The following PACRG variants were observed in gnomAD, a reference collection of about 807,000 sequenced individuals.
PACRG encodes parkin coregulated.
A neutral mutation model predicts 29.7 loss-of-function variants in PACRG; 29 were observed. The observed-to-expected ratio is 0.98, with a 90% confidence interval of 0.73 to 1.33. The LOEUF is 1.33. Among genes scored for constraint, PACRG ranks in the 40% most tolerant of loss-of-function variants. The probability of loss-of-function intolerance (pLI) is 0.00; values close to 1 mark genes in which losing one functional copy is unlikely to be tolerated. For missense variants in PACRG, 279 were observed against 316.2 expected, an observed-to-expected ratio of 0.88 and a Z score of 0.89; for synonymous variants, 116 against 118.7, an observed-to-expected ratio of 0.98 and a Z score of 0.15.
chr6:162,994,821 G>T (rs1001906193), intron 2 of PACRG, among the ~76,000 whole-genome samples: 2 of 151,054 alleles, frequency 1.3e-5, no homozygotes, highest in African/African-American at 4.9e-5. Flanking sequence ...GGCGCTCTGC[G>T]TTTTAGAGTT....
At chr6:163,174,715 TTTC>T (rs1484703942) in intron 4 of PACRG, among the ~76,000 whole-genome samples, 1 of 152,178 alleles carries the variant, frequency 6.6e-6, no homozygotes, top group African/African-American at 2.4e-5. Flanking sequence ...AGTTTGTCAA[TTTC>T]TTCTTATTCA....
chr6:163,308,320 A>C (rs12214534), intron 4 of PACRG, among the ~76,000 whole-genome samples: 27,174 of 152,162 alleles, frequency 0.18, 3,050 homozygotes, highest in African/African-American at 0.32. Flanking sequence ...ACAAACAAGG[A>C]GTTTCTGTTT....
intron 2 of PACRG, among the ~76,000 whole-genome samples, chr6:162,984,858 G>GT (rs35361176): frequency 5.5e-4 from 81 of 146,788 alleles, no homozygotes; most frequent in Admixed American, 8.8e-4. Flanking sequence ...GATGCGATTG[G>GT]TTTTTTTTTT....
intron 4 of PACRG, among the ~76,000 whole-genome samples, chr6:163,180,449 A>G (rs1051287706): frequency 1.2e-4 from 18 of 152,178 alleles, no homozygotes; most frequent in African/African-American, 4.3e-4. Flanking sequence ...TAAATAGAGT[A>G]TGGAAAACAC....
At chr6:162,763,349 T>C (rs1036047041) in intron 1 of PACRG, among the ~76,000 whole-genome samples, 2 of 152,152 alleles carry the variant, frequency 1.3e-5, no homozygotes, top group African/African-American at 4.8e-5. Context: ...CGCTGTCAGG[T>C]CACCTGTCAC....
At chr6:162,790,165 G>GA (rs561376498) in intron 1 of PACRG, among the ~76,000 whole-genome samples, 44 of 152,198 alleles carry the variant, frequency 2.9e-4, no homozygotes, top group Non-Finnish European at 4.9e-4. Context: ...ACACTTATTG[G>GA]AAAAAAATCT....
At chr6:162,871,484 C>T (rs1415022050) in intron 2 of PACRG, among the ~76,000 whole-genome samples, 1 of 152,210 alleles carries the variant, frequency 6.6e-6, no homozygotes, top group Non-Finnish European at 1.5e-5. Flanking sequence ...TTCTTCTGTG[C>T]CTCAGAGAAC....
chr6:163,271,471 G>C (rs1486040182), intron 4 of PACRG, among the ~76,000 whole-genome samples: 2 of 152,082 alleles, frequency 1.3e-5, no homozygotes, highest in African/African-American at 2.4e-5. Flanking sequence ...CCCAATTCAT[G>C]TTTATAAAGG....
chr6:163,225,931 C>T (rs912055531), intron 4 of PACRG, among the ~76,000 whole-genome samples: 7 of 152,236 alleles, frequency 4.6e-5, no homozygotes, highest in Middle Eastern at 3.4e-3. Flanking sequence ...GTAATCCTAG[C>T]ACTTTGAGAG....
At chr6:163,138,860 T>C (rs922534057) in intron 4 of PACRG, among the ~76,000 whole-genome samples, 6 of 152,248 alleles carry the variant, frequency 3.9e-5, no homozygotes, top group Non-Finnish European at 5.9e-5. Flanking sequence ...CTTGGGTAAC[T>C]GTCAGAGTTT....
At chr6:162,758,342 G>T (rs1017392279) in intron 1 of PACRG, among the ~76,000 whole-genome samples, 1 of 151,972 alleles carries the variant, frequency 6.6e-6, no homozygotes, top group East Asian at 1.9e-4. Flanking sequence ...CCCTAAATAT[G>T]CATAAATTTA....
chr6:162,897,331 T>C (rs981741604), intron 2 of PACRG, among the ~76,000 whole-genome samples: 9 of 152,204 alleles, frequency 5.9e-5, no homozygotes, highest in African/African-American at 2.2e-4. Flanking sequence ...AAAATGATAG[T>C]CATAGTTTCG....
At chr6:162,792,244 G>A (rs1031979027) in intron 1 of PACRG, among the ~76,000 whole-genome samples, 34 of 152,110 alleles carry the variant, frequency 2.2e-4, no homozygotes, top group African/African-American at 8.2e-4. Flanking sequence ...TTCAGGGTGA[G>A]TGCAAGGGAG....
At chr6:162,941,552 T>C (rs921556573) in intron 2 of PACRG, among the ~76,000 whole-genome samples, 26 of 152,316 alleles carry the variant, frequency 1.7e-4, no homozygotes, top group African/African-American at 5.5e-4. Context: ...TGCATTTTCC[T>C]GGCAGGAGGA....
intron 4 of PACRG, among the ~76,000 whole-genome samples, chr6:163,174,714 A>G (rs1371693365): frequency 3.9e-5 from 6 of 152,044 alleles, no homozygotes; most frequent in Middle Eastern, 3.2e-3. Context: ...GAGTTTGTCA[A>G]TTTCTTCTTA....
At chr6:163,270,061 T>G (rs1783767821) in intron 4 of PACRG, among the ~76,000 whole-genome samples, 1 of 151,374 alleles carries the variant, frequency 6.6e-6, no homozygotes, top group Non-Finnish European at 1.5e-5. Context: ...GAACAGGCAT[T>G]TCCTCCACCA....
At chr6:163,220,142 A>G (rs1781521378) in intron 4 of PACRG, among the ~76,000 whole-genome samples, 1 of 152,024 alleles carries the variant, frequency 6.6e-6, no homozygotes, top group Non-Finnish European at 1.5e-5. Flanking sequence ...CTGCACATAA[A>G]AGGAGCTCCC....
intron 4 of PACRG, among the ~76,000 whole-genome samples, chr6:163,304,040 T>TAAAAAAA (rs1554245110): frequency 1.4e-4 from 16 of 111,936 alleles, no homozygotes; most frequent in African/African-American, 3.1e-4. Flanking sequence ...AAAAAAAAAG[T>TAAAAAAA]AAATGGGATA....
intron 4 of PACRG, among the ~76,000 whole-genome samples, chr6:163,162,710 T>G (rs1230291209): frequency 6.6e-6 from 1 of 152,182 alleles, no homozygotes; most frequent in African/African-American, 2.4e-5. Context: ...AGGTGGTACA[T>G]GCAGCCAAGG....
Sources: gnomAD v4.1 joint callset for allele counts (sites outside exome capture counted in the v4.1 genomes callset) on GRCh38, gnomAD v4.1.1 for gene constraint, MANE v1.5 for transcripts, NCBI Gene and HGNC (gene_info 2026-07-23, HGNC 2026-07-21) for gene names.